NFAT5: variants seen among roughly 807,000 people sequenced by gnomAD.
NFAT5 encodes nuclear factor of activated T cells 5.
NFAT5 carries 31 observed loss-of-function variants against 166.5 expected under a neutral mutation model. The observed-to-expected ratio is 0.19, with a 90% CI of 0.14 to 0.25. NFAT5 has a LOEUF of 0.25. Ranked by LOEUF, NFAT5 falls within the 10% of genes least tolerant of loss-of-function variation. The pLI is 1.00. For missense variants in NFAT5, 1,449 were observed against 1,821.8 expected (o/e 0.80, Z 3.72); for synonymous variants, 612 against 639.7 (o/e 0.96, Z 0.65).
At chr16:69,630,689 G>A (rs367923235) in intron 3 of NFAT5, among the ~76,000 whole-genome samples, 3 of 152,162 alleles carry the variant, frequency 2.0e-5, no homozygotes, top group African/African-American at 7.2e-5. Flanking sequence ...TTATTAAGAA[G>A]AAGTACAAAT....
At position 69,691,199 on chromosome 16, in the gene NFAT5, G is replaced by A. The variant is rs146374663; in HGVS notation, c.1923+111G>A. ...TTGGATGCACTTAATGAATTTTGCT[G>A]TAAAGAGGGAATGCTTTATACTTCA... On this transcript the variant is annotated intron_variant, in intron 12 of 14. Transcript: ENST00000349945. 30 of 1,020,364 alleles carry A rather than the reference G, an allele frequency of 2.9e-5. No homozygotes were observed. The African/African-American group carries it at 4.3e-4, about 15-fold the overall frequency. 63.2% of individuals were successfully genotyped at this position (1,020,364 alleles called of 1,614,324 possible).
In NFAT5 at chr16:69,566,792, C is replaced by G. The variant is rs2016077965; in HGVS notation, c.73+418C>G. Among the ~76,000 whole-genome samples, 1 of 152,304 alleles carries G rather than the reference C, an allele frequency of 6.6e-6. No individual in the cohort carries two copies. The highest frequency in any genetic ancestry group is 2.4e-5 in the African/African-American group (1 of 41,584). On this transcript the variant is annotated intron_variant, in intron 1 of 14. Coordinates refer to ENST00000349945, the MANE Select transcript of NFAT5 (RefSeq NM_138713.4). The surrounding 1 kb of genome is among the most constrained non-coding windows in gnomAD (Gnocchi z 5.7). ...TCTTCTCTTACCGGGACCCTCCTCC[C>G]CAGCAAAGTTGCCCCCAAGCGGGCG... is the stretch of plus-strand genomic sequence containing the variant.
intron 2 of NFAT5, among the ~76,000 whole-genome samples, chr16:69,624,308 T>C (rs904429782): frequency 3.3e-5 from 5 of 152,054 alleles, no homozygotes; most frequent in African/African-American, 4.8e-5. Flanking sequence ...TAGGCTGAAG[T>C]GATTCTCCTG....
At chr16:69,659,997 C>T (rs545613446) in intron 7 of NFAT5, 98 bp downstream of exon 7, 25 of 1,071,728 alleles carry the variant, frequency 2.3e-5, no homozygotes, top group Middle Eastern at 2.2e-4. Context: ...TCATATGCTC[C>T]GGCTTGTGAT....
intron 3 of NFAT5, among the ~76,000 whole-genome samples, chr16:69,631,416 G>T (rs560309979): frequency 6.6e-6 from 1 of 152,012 alleles, no homozygotes; most frequent in South Asian, 2.1e-4. Context: ...GGGCGATAGA[G>T]TGAGACTCCA....
At chr16:69,669,297 G>A (rs2036530138) in intron 7 of NFAT5, among the ~76,000 whole-genome samples, 1 of 152,138 alleles carries the variant, frequency 6.6e-6, no homozygotes, top group African/African-American at 2.4e-5. Flanking sequence ...GCTCATGCCT[G>A]AATCCCAGCA....
At chr16:69,657,705 G>T (rs1463031508) in intron 6 of NFAT5, among the ~76,000 whole-genome samples, 1 of 143,090 alleles carries the variant, frequency 7.0e-6, no homozygotes, top group East Asian at 2.1e-4. Flanking sequence ...GTTGCAGTGA[G>T]CTGAGATCAT....
intron 10 of NFAT5, 37 bp from the exon 11 acceptor site, chr16:69,684,850 T>C (rs751479932): frequency 2.1e-6 from 3 of 1,400,944 alleles, no homozygotes; most frequent in Non-Finnish European, 3.0e-6. Flanking sequence ...TTAGGATGAG[T>C]AAATGTAGAT....
chr16:69,584,720 C>T (rs576762810), intron 2 of NFAT5, among the ~76,000 whole-genome samples: 2 of 151,910 alleles, frequency 1.3e-5, no homozygotes, highest in South Asian at 2.1e-4. Context: ...GCCAGGATGT[C>T]GAGGCTGAGT....
chr16:69,695,223 GC>G lies in NFAT5; in HGVS notation c.4504del (p.Gln1502SerfsTer4). The part of the protein sequence containing the change: ...ISQPGQPQNE[G>X]QPPVTTLLSQ... ...CAGCCAGGCCAACCACAAAACGAGGGCCAGCCACCTGTGACAACACTTCTTT... is the reference window on the plus strand; with the variant it reads ...CAGCCAGGCCAACCACAAAACGAGGGCAGCCACCTGTGACAACACTTCTTT... On this transcript the variant is annotated frameshift_variant, in exon 14 of 15. Coordinates refer to ENST00000349945, the MANE Select transcript of NFAT5 (RefSeq NM_138713.4). LOFTEE classifies it high-confidence loss of function. 6.2e-7 allele frequency: 1 copy of G among 1,614,152 alleles called. No individual in the cohort carries two copies. The highest frequency in any genetic ancestry group is 8.5e-7 in the Non-Finnish European group (1 of 1,180,022).
intron 2 of NFAT5, among the ~76,000 whole-genome samples, chr16:69,579,364 A>C (rs1025300742): frequency 2.6e-5 from 4 of 152,138 alleles, no homozygotes; most frequent in African/African-American, 9.7e-5. Flanking sequence ...TTTGCCTATA[A>C]TATTGGGTAC....
chr16:69,655,049 G>A (rs2035822891), intron 5 of NFAT5, among the ~76,000 whole-genome samples: 3 of 152,038 alleles, frequency 2.0e-5, no homozygotes, highest in Non-Finnish European at 2.9e-5. Flanking sequence ...ATAGATCCCC[G>A]TTTGAACTAG....
chr16:69,613,651 C>T (rs1298952976), intron 2 of NFAT5, among the ~76,000 whole-genome samples: 3 of 152,214 alleles, frequency 2.0e-5, no homozygotes, highest in Non-Finnish European at 2.9e-5. Flanking sequence ...AGGTTGACTT[C>T]TGGTGTTACA....
intron 2 of NFAT5, among the ~76,000 whole-genome samples, chr16:69,581,764 C>T (rs1332276527): frequency 6.6e-6 from 1 of 152,054 alleles, no homozygotes; most frequent in African/African-American, 2.4e-5. Flanking sequence ...CTATTCAAGG[C>T]TTTTGTGAAC....
chr16:69,607,023 A>T (rs1000817838), intron 2 of NFAT5, among the ~76,000 whole-genome samples: 2 of 152,178 alleles, frequency 1.3e-5, no homozygotes, highest in African/African-American at 2.4e-5. Flanking sequence ...CAGAAATTAT[A>T]GTTTTTATTT....
chr16:69,686,412 A>G (rs2037306974), intron 11 of NFAT5, among the ~76,000 whole-genome samples: 1 of 151,818 alleles, frequency 6.6e-6, no homozygotes, highest in African/African-American at 2.4e-5. Flanking sequence ...CATCCTAGCT[A>G]TTCATGAGAC....
intron 11 of NFAT5, among the ~76,000 whole-genome samples, chr16:69,686,379 C>T (rs534198184): frequency 6.6e-6 from 1 of 151,834 alleles, no homozygotes; most frequent in Non-Finnish European, 1.5e-5. Context: ...AAACATTAAC[C>T]GGGCATGGTG....
Position 69,598,075 on chromosome 16 carries a change from G to T in NFAT5, c.128-28328G>T, listed in dbSNP as rs528274803. On this transcript the variant is annotated intron_variant, in intron 2 of 14. Coordinates refer to ENST00000349945, the MANE Select transcript of NFAT5 (RefSeq NM_138713.4). ...TGGTTTAATTTTTACATGTAAGCTT[G>T]TCATTGATATACTGAATATTAAAAT... Among the ~76,000 whole-genome samples the T allele has an allele frequency of 6.6e-5, 10 of 152,150 alleles. No individual in the cohort carries two copies. The East Asian group carries it at 1.5e-3, about 24-fold the overall frequency.
At chr16:69,571,129 TAAAAAAAAAAAAA>T (rs56221116) in intron 2 of NFAT5, among the ~76,000 whole-genome samples, 2 of 31,382 alleles carry the variant, frequency 6.4e-5, no homozygotes, top group Admixed American at 1.1e-3. Flanking sequence ...CCATCTCTAC[TAAAAAAAAAAAAA>T]AAAAAAAAAA....
Sources: allele counts gnomAD v4.1 joint callset (sites outside exome capture counted in the v4.1 genomes callset), GRCh38; gene constraint gnomAD v4.1.1; non-coding constraint Gnocchi (gnomAD v3.1); transcripts MANE v1.5; gene names NCBI Gene and HGNC (gene_info 2026-07-23, HGNC 2026-07-21).